The following GABRA2 variants were observed in gnomAD, a reference collection of about 807,000 sequenced individuals.
GABRA2 encodes the protein gamma-aminobutyric acid type A receptor subunit alpha2, also known as gamma-aminobutyric acid receptor subunit alpha-2.
A neutral mutation model predicts 48.7 loss-of-function variants in GABRA2; 16 were observed. That is an observed-to-expected ratio of 0.33 (90% CI 0.22 to 0.50). The LOEUF is 0.50. Ranked by LOEUF, GABRA2 falls within the 20% of genes least tolerant of loss-of-function variation. The pLI, the probability that GABRA2 is intolerant of heterozygous loss-of-function variation, is 0.98. For missense variants in GABRA2, 275 were observed against 535.6 expected (o/e 0.51, Z 4.80); for synonymous variants, 185 against 184.5 (o/e 1.00, Z -0.02).
At chr4:46,367,227 G>GA (rs1435584240) in intron 3 of GABRA2, 26 of 151,990 alleles carry the variant, frequency 1.7e-4, no homozygotes, top group African/African-American at 5.1e-4. Flanking sequence ...AAAATATATA[G>GA]AAAAAAATTG....
intron 4 of GABRA2, among the ~76,000 whole-genome samples, chr4:46,317,775 C>G (rs1372838318): frequency 6.6e-6 from 1 of 151,310 alleles, no homozygotes; most frequent in Non-Finnish European, 1.5e-5. Flanking sequence ...AACAAATAAA[C>G]TCTAAAAAAA....
At chr4:46,276,206 G>A (rs189558380) in intron 8 of GABRA2, among the ~76,000 whole-genome samples, 25 of 152,226 alleles carry the variant, frequency 1.6e-4, no homozygotes, top group African/African-American at 5.8e-4. Flanking sequence ...CCAAGAAAGA[G>A]TACGTTATGG....
Position 46,281,210 on chromosome 4 carries a change from T to C in GABRA2, c.857-19082A>G, listed in dbSNP as rs530842216. ...GTTTTGTGCAGATTGAGTTTGTCTA[T>C]TGGACATACAAATGAAGACATAAGG... On this transcript the variant is annotated intron_variant, in intron 8 of 9. Transcript: ENST00000381620. Among the ~76,000 whole-genome samples, 9 of 152,272 alleles carry C rather than the reference T, an allele frequency of 5.9e-5. No homozygotes were observed. The South Asian group carries it at 1.9e-3, about 32-fold the overall frequency.
Position 46,312,182 on chromosome 4 carries a change from T to C in GABRA2, c.476+314A>G, listed in dbSNP as rs150862239. Among the ~76,000 whole-genome samples, 142 of 152,212 alleles carry C rather than the reference T, an allele frequency of 9.3e-4. 2 individuals carry two copies. In the East Asian group the frequency reaches 0.025, roughly 27 times the overall value. Reference sequence around the variant, plus strand: ...TCTGATAAGATATTAAAATTATATGTTGATACAAGTAAAATTCAAATCATT... The same window carrying C: ...TCTGATAAGATATTAAAATTATATGCTGATACAAGTAAAATTCAAATCATT... On this transcript the variant is annotated intron_variant, in intron 5 of 9. Transcript: ENST00000381620.
At chr4:46,254,829 C>A (rs1042252074) in intron 9 of GABRA2, among the ~76,000 whole-genome samples, 1 of 151,536 alleles carries the variant, frequency 6.6e-6, no homozygotes, top group Non-Finnish European at 1.5e-5. Flanking sequence ...TCCAGAAGTG[C>A]ACTCAGCTTC....
chr4:46,365,452 G>T (rs1057442027), intron 3 of GABRA2: 1 of 152,040 alleles, frequency 6.6e-6, no homozygotes, highest in South Asian at 2.1e-4. Context: ...CCTATTTTTA[G>T]ATGTTCTCTC....
chr4:46,367,728 T>C (rs1218282833), intron 3 of GABRA2: 1 of 152,166 alleles, frequency 6.6e-6, no homozygotes, highest in Non-Finnish European at 1.5e-5. Context: ...TGCAGAATTA[T>C]ACATCTTGAA....
At chr4:46,378,122 G>A (rs1203073141) in intron 3 of GABRA2, among the ~76,000 whole-genome samples, 2 of 151,972 alleles carry the variant, frequency 1.3e-5, no homozygotes, top group Admixed American at 6.6e-5. Context: ...GAAGTGAGGA[G>A]CCCCTCTGCC....
intron 3 of GABRA2, among the ~76,000 whole-genome samples, chr4:46,383,775 A>G (rs1216473187): frequency 6.6e-6 from 1 of 152,152 alleles, no homozygotes; most frequent in Non-Finnish European, 1.5e-5. Flanking sequence ...AGATAAGCAG[A>G]AGGGATGAGG....
chr4:46,339,587 A>T (rs1732866330), intron 3 of GABRA2, among the ~76,000 whole-genome samples: 1 of 151,898 alleles, frequency 6.6e-6, no homozygotes, highest in Non-Finnish European at 1.5e-5. Context: ...CTATGCAAAA[A>T]ATCAAATAAA....
intron 3 of GABRA2, among the ~76,000 whole-genome samples, chr4:46,358,784 T>C (rs1578163153): frequency 6.6e-6 from 1 of 152,336 alleles, no homozygotes; most frequent in East Asian, 1.9e-4. Flanking sequence ...AGTCCTTTTA[T>C]CTACATGTTA....
intron 3 of GABRA2, among the ~76,000 whole-genome samples, chr4:46,339,444 C>T (rs1290851233): frequency 6.6e-6 from 1 of 151,642 alleles, no homozygotes; most frequent in Non-Finnish European, 1.5e-5. Context: ...ACAGAATAGC[C>T]CTTGACATAG....
At chr4:46,257,521 A>C (rs1372292874) in intron 9 of GABRA2, among the ~76,000 whole-genome samples, 1 of 151,688 alleles carries the variant, frequency 6.6e-6, no homozygotes, top group African/African-American at 2.4e-5. Flanking sequence ...TCTCATTTCT[A>C]AAATAGAAAT....
At chr4:46,352,680 G>A (rs1735326975) in intron 3 of GABRA2, among the ~76,000 whole-genome samples, 2 of 152,032 alleles carry the variant, frequency 1.3e-5, no homozygotes, top group Admixed American at 1.3e-4. Flanking sequence ...TCAGGTAATT[G>A]TATCCATTGT....
At chr4:46,349,847 A>G (rs545967141) in intron 3 of GABRA2, among the ~76,000 whole-genome samples, 1 of 152,030 alleles carries the variant, frequency 6.6e-6, no homozygotes, top group Admixed American at 6.6e-5. Context: ...ATATTACTGG[A>G]ATGTAGTTTC....
chr4:46,344,326 T>A (rs1220109759), intron 3 of GABRA2, among the ~76,000 whole-genome samples: 1 of 151,924 alleles, frequency 6.6e-6, no homozygotes, highest in East Asian at 1.9e-4. Flanking sequence ...AGAGATCCAG[T>A]AGTCTGAGGC....
At chr4:46,256,881 T>C (rs557863456) in intron 9 of GABRA2, among the ~76,000 whole-genome samples, 8 of 151,814 alleles carry the variant, frequency 5.3e-5, no homozygotes, top group African/African-American at 1.9e-4. Flanking sequence ...ATTCCATAAC[T>C]GTTTGCATAT....
At position 46,277,702 on chromosome 4, in the gene GABRA2, G is replaced by T. The variant is rs182650774; in HGVS notation, c.857-15574C>A. On this transcript the variant is annotated intron_variant, in intron 8 of 9. Transcript: ENST00000381620. ...CTCTGCATGACCTTATCCATGGGCT[G>T]CAAATTCAAATGTCCACAGGGACCG... Among the ~76,000 whole-genome samples the T allele has an allele frequency of 1.3e-3, 200 of 152,210 alleles. 1 individual carries two copies. Among genetic ancestry groups the T allele is most frequent in the African/African-American group, 4.6e-3 (191 of 41,538 alleles).
At chr4:46,321,228 G>A (rs908792417) in intron 4 of GABRA2, among the ~76,000 whole-genome samples, 1 of 151,786 alleles carries the variant, frequency 6.6e-6, no homozygotes, top group Non-Finnish European at 1.5e-5. Flanking sequence ...CAGTTACTGC[G>A]GTGGGATGTG....
Sources: allele counts gnomAD v4.1 joint callset (sites outside exome capture counted in the v4.1 genomes callset), GRCh38; gene constraint gnomAD v4.1.1; transcripts MANE v1.5; gene names NCBI Gene and HGNC (gene_info 2026-07-23, HGNC 2026-07-21).